GNS: variants seen among roughly 807,000 people sequenced by gnomAD.
GNS encodes glucosamine (N-acetyl)-6-sulfatase.
In GNS, 40 loss-of-function variants were observed where a neutral mutation model predicts 69.7. The ratio of observed to expected loss-of-function variants is 0.57; its 90% CI spans 0.45 to 0.75. The LOEUF (loss-of-function observed/expected upper bound fraction) is 0.75, where lower values mean the gene tolerates loss of function less well. GNS is among the 30% of genes least tolerant of loss of function. GNS has a pLI of 0.00. For missense variants in GNS, 565 were observed against 685.5 expected, an observed-to-expected ratio of 0.82 and a Z score of 1.96; for synonymous variants, 243 against 251.6, an observed-to-expected ratio of 0.97 and a Z score of 0.32.
intron 7 of GNS, 49 bp from the exon 8 acceptor site, chr12:64,739,548 G>T: frequency 2.5e-6 from 2 of 790,028 alleles, no homozygotes; most frequent in Non-Finnish European, 2.2e-6. Context: ...CAATGGCTGA[G>T]GTATCACTAT....
At chr12:64,729,109 T>A (rs1592496235) in intron 9 of GNS, 52 bp from the exon 10 acceptor site, 2 of 963,058 alleles carry the variant, frequency 2.1e-6, no homozygotes, top group East Asian at 4.8e-5. Context: ...TCATTTTCCT[T>A]TTCTACCTAT....
Position 64,739,420 on chromosome 12 carries a change from T to C in GNS, c.955A>G (p.Thr319Ala). The C allele has an allele frequency of 6.3e-7, 1 of 1,599,726 alleles. No homozygotes were observed. The highest frequency in any genetic ancestry group is 8.6e-7 in the Non-Finnish European group (1 of 1,167,060). The change falls in exon 8 of 14, where the codon ACT becomes GCT. Residue 319 changes from threonine (T) to alanine (A), a missense_variant. Around this residue, in one of 2 missense-constraint regions of GNS, gnomAD observed 384 missense variants for 511.0 expected, o/e 0.75. Coordinates refer to ENST00000258145, the MANE Select transcript of GNS (RefSeq NM_002076.4). Reference protein sequence around the residue: ...RLEFTGELNNTYIFYTSDNGY... With the variant: ...RLEFTGELNNAYIFYTSDNGY... ...TTGTCTGAGGTATAGAAGATGTAAG[T>C]GTTGTTGAGCTCCCCAGTGAACTCC...
intron 10 of GNS, among the ~76,000 whole-genome samples, chr12:64,726,416 C>A (rs1037021867): frequency 6.6e-6 from 1 of 152,030 alleles, no homozygotes; most frequent in African/African-American, 2.4e-5. Flanking sequence ...ATGTAAGAGG[C>A]AGAGCTATAA....
chr12:64,722,886 C>T (rs1869076632), intron 11 of GNS, 120 bp downstream of exon 11: 2 of 727,214 alleles, frequency 2.8e-6, no homozygotes, highest in Admixed American at 3.9e-5. Context: ...TAACCACTCA[C>T]AGTCAGTGAC....
At chr12:64,755,227 G>A (rs1054827149) in intron 1 of GNS, among the ~76,000 whole-genome samples, 8 of 152,128 alleles carry the variant, frequency 5.3e-5, no homozygotes, top group Non-Finnish European at 8.8e-5. Flanking sequence ...TCCATGCACA[G>A]TTGCTCTGAA....
chr12:64,721,847 A>C (rs1354172629), intron 11 of GNS, 142 bp from the exon 12 acceptor site: 1 of 703,212 alleles, frequency 1.4e-6, no homozygotes, highest in Non-Finnish European at 2.6e-6. Context: ...GGAAGCCAGT[A>C]ACTCAAAAAC....
intron 10 of GNS, among the ~76,000 whole-genome samples, chr12:64,728,310 A>G (rs762087297): frequency 6.6e-6 from 1 of 152,246 alleles, no homozygotes; most frequent in East Asian, 1.9e-4. Flanking sequence ...ACAGATGCAC[A>G]GTAAGACCAA....
chr12:64,756,253 G>T (rs1343716505), intron 1 of GNS, among the ~76,000 whole-genome samples: 1 of 152,172 alleles, frequency 6.6e-6, no homozygotes, highest in African/African-American at 2.4e-5. Flanking sequence ...ATTGGTGGGG[G>T]TTAACCACTA....
At chr12:64,724,945 T>C (rs1314439881) in intron 10 of GNS, among the ~76,000 whole-genome samples, 1 of 152,174 alleles carries the variant, frequency 6.6e-6, no homozygotes, top group Admixed American at 6.5e-5. Context: ...ACTGTCAGAA[T>C]TGAGTGAACT....
chr12:64,728,856 AATTTAATAGTATT>A, intron 10 of GNS, 87 bp downstream of exon 10: 2 of 686,060 alleles, frequency 2.9e-6, no homozygotes, highest in Non-Finnish European at 5.3e-6. Flanking sequence ...TCTGCCCCCA[AATTTAATAGTATT>A]ATTTAATATT....
intron 1 of GNS, 42 bp from the exon 2 acceptor site, chr12:64,752,799 T>C: frequency 3.1e-6 from 3 of 975,608 alleles, no homozygotes; most frequent in Non-Finnish European, 5.0e-6. Context: ...TTTCTTCCAA[T>C]AAATTGAGAC....
intron 10 of GNS, 133 bp downstream of exon 10, chr12:64,728,823 A>T (rs952309605): frequency 2.5e-5 from 16 of 651,902 alleles, no homozygotes; most frequent in Non-Finnish European, 4.2e-5. Context: ...TATTTTAGAA[A>T]ACTCCTTCCC....
intron 10 of GNS, among the ~76,000 whole-genome samples, chr12:64,725,647 T>G (rs1339567137): frequency 3.3e-5 from 5 of 152,102 alleles, no homozygotes; most frequent in African/African-American, 9.7e-5. Flanking sequence ...GCAGAGAAAT[T>G]ATACACAACA....
chr12:64,735,750 G>A (rs1869539759), intron 9 of GNS, among the ~76,000 whole-genome samples: 1 of 152,098 alleles, frequency 6.6e-6, no homozygotes, highest in South Asian at 2.1e-4. Context: ...AGATTTAATG[G>A]TCTTCTAAAC....
intron 3 of GNS, 124 bp downstream of exon 3, chr12:64,747,588 A>G: frequency 1.5e-6 from 1 of 678,564 alleles, no homozygotes; most frequent in Non-Finnish European, 2.6e-6. Flanking sequence ...TTTAATGGGC[A>G]GATTCACAGA....
rs143736212 is a variant in GNS at position 64,743,282 on chromosome 12, G to C, written c.651C>G (p.Asp217Glu). Reference protein sequence around the residue: ...VLANVSLDFLDYKSNFEPFFM... With the variant: ...VLANVSLDFLEYKSNFEPFFM... ...AGAAGGGCTCAAAGTTGGACTTGTA[G>C]TCCAGAAAGTCCAAGGAGACATTAG... Residue 217 changes from aspartate to glutamate, a missense_variant, in exon 6 of 14, where the codon GAC (aspartate) becomes GAG (glutamate). Around this residue, in one of 2 missense-constraint regions of GNS, gnomAD observed 384 missense variants for 511.0 expected, o/e 0.75. Coordinates refer to ENST00000258145, the MANE Select transcript of GNS (RefSeq NM_002076.4). 6.8e-6 allele frequency: 11 copies of C among 1,613,070 alleles called. No homozygotes were observed. The highest frequency in any genetic ancestry group is 9.3e-6 in the Non-Finnish European group (11 of 1,179,090).
chr12:64,727,713 T>G (rs1477951019), intron 10 of GNS, among the ~76,000 whole-genome samples: 1 of 152,160 alleles, frequency 6.6e-6, no homozygotes, highest in Admixed American at 6.5e-5. Flanking sequence ...TAAAGAAGAT[T>G]CATGGTGGGA....
At chr12:64,728,286 T>C (rs1038843708) in intron 10 of GNS, among the ~76,000 whole-genome samples, 2 of 152,208 alleles carry the variant, frequency 1.3e-5, no homozygotes, top group African/African-American at 4.8e-5. Context: ...ATAATTCACC[T>C]CATTATTAAA....
intron 13 of GNS, among the ~76,000 whole-genome samples, chr12:64,717,581 T>G (rs1868905376): frequency 6.7e-6 from 1 of 149,916 alleles, no homozygotes; most frequent in African/African-American, 2.5e-5. Flanking sequence ...CAGGCTGGTC[T>G]AGAACTCCTG....
Sources: gnomAD v4.1 joint callset for allele counts (sites outside exome capture counted in the v4.1 genomes callset) on GRCh38, gnomAD v4.1.1 for gene constraint, gnomAD v4.1.1 regional missense constraint, MANE v1.5 for transcripts, NCBI Gene and HGNC (gene_info 2026-07-23, HGNC 2026-07-21) for gene names.